ADAM28: variants seen among roughly 807,000 people sequenced by gnomAD.
ADAM28 encodes ADAM metallopeptidase domain 28.
A neutral mutation model predicts 101.2 loss-of-function variants in ADAM28; 105 were observed. The ratio of observed to expected loss-of-function variants is 1.04; its 90% CI spans 0.89 to 1.22. The LOEUF is 1.22. Among genes scored for constraint, ADAM28 ranks in the 50% most tolerant of loss-of-function variants. The pLI, the probability that ADAM28 is intolerant of heterozygous loss-of-function variation, is 0.00. For synonymous variants in ADAM28, 322 were observed against 310.6 expected (o/e 1.04, Z -0.39); for missense variants, 1,028 against 945.4 (o/e 1.09, Z -1.15).
At chr8:24,332,586 A>G (rs1455446774) in intron 12 of ADAM28, 74 bp from the exon 13 acceptor site, 1 of 713,242 alleles carries the variant, frequency 1.4e-6, no homozygotes, top group African/African-American at 1.8e-5. Flanking sequence ...TGATGAATAT[A>G]GTATGTTACA....
Position 24,313,499 on chromosome 8 carries a change from T to C in ADAM28, c.495T>C (p.Tyr165=). 1 of 1,613,928 alleles carries C rather than the reference T, an allele frequency of 6.2e-7. No homozygotes were observed. The highest frequency in any genetic ancestry group is 8.5e-7 in the Non-Finnish European group (1 of 1,179,894). The part of the protein sequence containing the change: ...LFKYNPDEKN[Y]DSTCGMDGVL... ...AGTATAACCCTGATGAAAAGAATTA[T>C]GACAGCACCTGTGGGATGGATGGTG... Residue 165 remains tyrosine (Y), a synonymous_variant, in exon 6 of 23, where the codon TAT becomes TAC. Coordinates refer to ENST00000265769, the MANE Select transcript of ADAM28 (RefSeq NM_014265.6).
Position 24,295,574 on chromosome 8 carries a change from C to T in ADAM28, c.46+1379C>T, listed in dbSNP as rs528366484. 2.6e-5 allele frequency among the ~76,000 whole-genome samples: 4 copies of T among 152,154 alleles called. No homozygotes were observed. In the South Asian group the frequency reaches 6.2e-4, roughly 24 times the overall value. On this transcript the variant is annotated intron_variant, in intron 1 of 22. Coordinates refer to ENST00000265769, the MANE Select transcript of ADAM28 (RefSeq NM_014265.6). ...CTTGGGCACTAGCTTAGTTGAAGAGCGTAAAGATCAAGCTGGATCCATTAA... is the reference window on the plus strand; with the variant it reads ...CTTGGGCACTAGCTTAGTTGAAGAGTGTAAAGATCAAGCTGGATCCATTAA...
chr8:24,314,939 C>T (rs1810966857), intron 6 of ADAM28, among the ~76,000 whole-genome samples: 2 of 133,700 alleles, frequency 1.5e-5, no homozygotes, highest in South Asian at 2.3e-4. Context: ...AAAAAAAAAA[C>T]TATAGCAGAT....
chr8:24,328,462 A>T (rs950127891), intron 10 of ADAM28, among the ~76,000 whole-genome samples: 1 of 151,992 alleles, frequency 6.6e-6, no homozygotes, highest in Non-Finnish European at 1.5e-5. Flanking sequence ...GATGTACAGA[A>T]GAAGTAAAAT....
At chr8:24,310,117 G>A (rs1397034919) in intron 3 of ADAM28, 46 bp from the exon 4 acceptor site, 1 of 1,591,360 alleles carries the variant, frequency 6.3e-7, no homozygotes, top group African/African-American at 1.3e-5. Context: ...CATGGACTTA[G>A]CAATCAGCAC....
chr8:24,341,930 A>T (rs941326933), intron 16 of ADAM28, among the ~76,000 whole-genome samples, 173 bp downstream of exon 16: 1 of 152,216 alleles, frequency 6.6e-6, no homozygotes, highest in Admixed American at 6.5e-5. Flanking sequence ...AATGGCGCAG[A>T]ACCTAGTAAA....
intron 13 of ADAM28, among the ~76,000 whole-genome samples, chr8:24,334,572 A>G (rs1813766480): frequency 6.6e-6 from 1 of 152,234 alleles, no homozygotes; most frequent in Admixed American, 6.5e-5. Context: ...CAAAGACATA[A>G]GAGAAGATAC....
At position 24,356,091 on chromosome 8, in the gene ADAM28, T is replaced by C. The variant is rs2129348557; in HGVS notation, c.*1687T>C. ...AGTCCTCAGGAAATCCAGAGTCCAC[T>C]GATCAAATCACTGTCAAGGATACAG... On this transcript the variant is annotated 3_prime_UTR_variant, in exon 23 of 23. Coordinates refer to ENST00000265769, the MANE Select transcript of ADAM28 (RefSeq NM_014265.6). 6.6e-6 allele frequency: 1 copy of C among 152,292 alleles called. No homozygotes were observed. The highest frequency in any genetic ancestry group is 1.9e-4 in the East Asian group (1 of 5,176). 9.4% of individuals were successfully genotyped at this position (152,292 alleles called of 1,614,324 possible). A position where few individuals can be genotyped will look rare whatever the true frequency, so the allele number is the denominator to read the frequency against.
chr8:24,327,304 A>C (rs1211947638), intron 10 of ADAM28, among the ~76,000 whole-genome samples: 4 of 152,152 alleles, frequency 2.6e-5, no homozygotes, highest in Non-Finnish European at 5.9e-5. Context: ...CTACAAACAG[A>C]ATAAATACCT....
At position 24,349,917 on chromosome 8, in the gene ADAM28, G is replaced by A. The variant is rs775938263; in HGVS notation, c.2044G>A (p.Val682Ile). 6.2e-7 allele frequency: 1 copy of A among 1,613,722 alleles called. No individual in the cohort carries two copies. The highest frequency in any genetic ancestry group is 8.5e-7 in the Non-Finnish European group (1 of 1,179,798). ...LFPMAVIFVV[V>I]AMVIRHQSSR... ...CCCAATGGCGGTCATTTTTGTGGTG[G>A]TTGCTATGGTAATCCGGCACCAGAG... The change falls in exon 19 of 23, where the codon GTT becomes ATT. Residue 682 changes from valine to isoleucine, a missense_variant. By Grantham distance (29) the Val-to-Ile change is conservative (BLOSUM62 3). Transcript: ENST00000265769.
rs778896961 is a variant in ADAM28 at position 24,300,050 on chromosome 8, AAGAG to A, written c.126_129del (p.Glu43ProfsTer14). On this transcript the variant is annotated frameshift_variant, in exon 2 of 23. Transcript: ENST00000265769. LOFTEE classifies it high-confidence loss of function. ...CTATAAGACTTCATCCACTGCATAA[AAGAG>A]AGGCCAAAGAGCCAGAGCAACAGGT... The A allele has an allele frequency of 2.5e-6, 4 of 1,613,614 alleles. No homozygotes were observed. In the Admixed American group the frequency reaches 6.7e-5, roughly 27 times the overall value.
In ADAM28 at chr8:24,311,359, A is replaced by G; in HGVS notation, c.307-2A>G. ...CTCTTTACAAAACCCCTTTTCCTTTAGGATGATTGTTATTATCAAGGACAT... is the reference window on the plus strand; with the variant it reads ...CTCTTTACAAAACCCCTTTTCCTTTGGGATGATTGTTATTATCAAGGACAT... On this transcript the variant is annotated splice_acceptor_variant, in intron 4 of 22. Transcript: ENST00000265769. LOFTEE classifies it high-confidence loss of function. 1 of 1,610,694 alleles carries G rather than the reference A, an allele frequency of 6.2e-7. No individual in the cohort carries two copies. The highest frequency in any genetic ancestry group is 1.7e-5 in the Admixed American group (1 of 59,474).
intron 11 of ADAM28, among the ~76,000 whole-genome samples, chr8:24,330,421 G>GA (rs1412752619): frequency 1.3e-5 from 2 of 152,084 alleles, no homozygotes; most frequent in African/African-American, 4.8e-5. Context: ...ATGGTGGTCA[G>GA]AAAAGAGTTC....
intron 1 of ADAM28, among the ~76,000 whole-genome samples, chr8:24,298,886 T>G (rs1417517213): frequency 6.6e-6 from 1 of 152,054 alleles, no homozygotes; most frequent in Non-Finnish European, 1.5e-5. Context: ...GAAAATTGAA[T>G]CTCTCTCTCC....
At chr8:24,341,447 T>A in intron 15 of ADAM28, 151 bp from the exon 16 acceptor site, 1 of 761,788 alleles carries the variant, frequency 1.3e-6, no homozygotes, top group Non-Finnish European at 2.2e-6. Flanking sequence ...TCAGGCATCC[T>A]ATTACTGAGA....
At chr8:24,337,141 A>C (rs1037015931) in intron 14 of ADAM28, among the ~76,000 whole-genome samples, 1 of 152,238 alleles carries the variant, frequency 6.6e-6, no homozygotes, top group African/African-American at 2.4e-5. Context: ...GGGTTGAGAC[A>C]CAATTTGAGG....
intron 6 of ADAM28, among the ~76,000 whole-genome samples, chr8:24,314,591 A>G (rs1420563138): frequency 6.6e-6 from 1 of 152,018 alleles, no homozygotes; most frequent in Non-Finnish European, 1.5e-5. Context: ...AGTCAGTTTA[A>G]TTTTCTGTAG....
chr8:24,296,257 A>G (rs1807949582), intron 1 of ADAM28: 1 of 152,178 alleles, frequency 6.6e-6, no homozygotes, highest in African/African-American at 2.4e-5. Context: ...AAGACTGAAA[A>G]GAAAATATAC....
Position 24,356,901 on chromosome 8 carries a change from TAATG to T in ADAM28, c.*2500_*2503del, listed in dbSNP as rs1031030893. 1.1e-4 allele frequency: 16 copies of T among 152,204 alleles called. No individual in the cohort carries two copies. The highest frequency in any genetic ancestry group is 3.4e-4 in the African/African-American group (14 of 41,458). The allele number at this position is 152,204 out of a possible 1,614,324, so 9.4% of individuals were successfully genotyped here. Reference sequence around the variant, plus strand: ...GGAAGGCTTTTAGCTTTTTATAAAATAATGAAGTATGCATGAAAAGAAAGCAAAT... The same window carrying T: ...GGAAGGCTTTTAGCTTTTTATAAAATAAGTATGCATGAAAAGAAAGCAAAT... On this transcript the variant is annotated 3_prime_UTR_variant, in exon 23 of 23. Coordinates refer to ENST00000265769, the MANE Select transcript of ADAM28 (RefSeq NM_014265.6).
Sources: allele counts gnomAD v4.1 joint callset (sites outside exome capture counted in the v4.1 genomes callset), GRCh38; gene constraint gnomAD v4.1.1; transcripts MANE v1.5; gene names NCBI Gene and HGNC (gene_info 2026-07-23, HGNC 2026-07-21).